The following CD300LG variants were observed in gnomAD, a reference collection of about 807,000 sequenced individuals.
CD300LG encodes CMRF35-like molecule 9.
In CD300LG, 29 loss-of-function variants were observed where a neutral mutation model predicts 31.5. That is an observed-to-expected ratio of 0.92 (90% CI 0.68 to 1.25). The LOEUF (loss-of-function observed/expected upper bound fraction) is 1.25. Ranked by LOEUF, CD300LG falls within the 50% of genes most tolerant of loss-of-function variation. The pLI, the probability that CD300LG is intolerant of heterozygous loss-of-function variation, is 0.00. For synonymous variants in CD300LG, 175 were observed against 177.2 expected, an observed-to-expected ratio of 0.99 and a Z score of 0.10; for missense variants, 396 against 417.6, an observed-to-expected ratio of 0.95 and a Z score of 0.45.
chr17:43,858,054 C>G (rs1435055657), intron 6 of CD300LG: 1 of 1,432,068 alleles, frequency 7.0e-7, no homozygotes, highest in Non-Finnish European at 9.1e-7. Context: ...CCTCCCTCTG[C>G]TGTTTACTGA....
chr17:43,858,988 G>T (rs2046599362), intron 6 of CD300LG, among the ~76,000 whole-genome samples: 1 of 152,184 alleles, frequency 6.6e-6, no homozygotes, highest in Non-Finnish European at 1.5e-5. Context: ...CCCATACGAG[G>T]TAGAGTTTAG....
chr17:43,859,376 A>G (rs1443714497), intron 6 of CD300LG, among the ~76,000 whole-genome samples: 2 of 152,206 alleles, frequency 1.3e-5, no homozygotes, highest in African/African-American at 2.4e-5. Context: ...TTGCATATTT[A>G]GCAACCCAGA....
In CD300LG at chr17:43,848,759, G is replaced by GT. The variant is rs2046260292; in HGVS notation, c.246dup (p.Asp83Ter). The GT allele has an allele frequency of 6.2e-7, 1 of 1,614,038 alleles. No homozygotes were observed. The highest frequency in any genetic ancestry group is 1.3e-5 in the African/African-American group (1 of 74,914). On this transcript the variant is annotated frameshift_variant, in exon 2 of 7. Transcript: ENST00000317310. LOFTEE classifies it high-confidence loss of function. ...ACAATGAAGGGCAGGGTGTCCATCC[G>GT]TGACAGCCGCCAGGAGCTCTCGCTC...
intron 2 of CD300LG, chr17:43,850,025 GT>G (rs927331971): frequency 1.3e-5 from 2 of 152,182 alleles, no homozygotes; most frequent in African/African-American, 2.4e-5. Context: ...GTTCGCTTGT[GT>G]TTTAGGTTTA....
intron 2 of CD300LG, among the ~76,000 whole-genome samples, chr17:43,851,006 G>A (rs967444572): frequency 1.3e-5 from 2 of 151,684 alleles, no homozygotes; most frequent in African/African-American, 4.8e-5. Context: ...ATAGTGGCAG[G>A]TGCCTGTAAT....
chr17:43,852,996 C>A lies in CD300LG; in HGVS notation c.464C>A (p.Thr155Asn). ...CAGCCCAAGGCAAAAGCTCAGCAAA[C>A]CCAGCCCCCAGGATTGAGTGAGTGA... is the stretch of plus-strand genomic sequence containing the variant. ...RLQPKAKAQQ[T>N]QPPGLTSPGL... Residue 155 changes from threonine to asparagine, a missense_variant, in exon 3 of 7, where the codon ACC becomes AAC. By Grantham distance (65) the Thr-to-Asn change is moderately conservative (BLOSUM62 0). Transcript: ENST00000317310. 1.2e-6 allele frequency: 2 copies of A among 1,612,008 alleles called. No individual in the cohort carries two copies. Among genetic ancestry groups the A allele is most frequent in the Non-Finnish European group, 1.7e-6 (2 of 1,179,030 alleles).
At chr17:43,849,141 AGGGCT>A (rs1160081800) in intron 2 of CD300LG, 7 of 572,054 alleles carry the variant, frequency 1.2e-5, no homozygotes, top group Non-Finnish European at 2.2e-5. Context: ...AGATCTGTCC[AGGGCT>A]GGGCTCGGCG....
intron 1 of CD300LG, 111 bp downstream of exon 1, chr17:43,847,370 C>A: frequency 8.2e-7 from 1 of 1,217,852 alleles, no homozygotes; most frequent in Non-Finnish European, 1.1e-6. Flanking sequence ...TCAGCCTCCT[C>A]AGCCCTAGGG....
intron 6 of CD300LG, among the ~76,000 whole-genome samples, chr17:43,860,918 T>G (rs892299149): frequency 6.6e-6 from 1 of 152,192 alleles, no homozygotes; most frequent in African/African-American, 2.4e-5. Flanking sequence ...CTGAGGAAAC[T>G]GAGCTTCAGA....
At chr17:43,860,168 A>C (rs979619701) in intron 6 of CD300LG, among the ~76,000 whole-genome samples, 134 of 152,276 alleles carry the variant, frequency 8.8e-4, no homozygotes, top group African/African-American at 3.2e-3. Flanking sequence ...AATGTGTCAC[A>C]CACCCTGCCC....
chr17:43,861,040 T>A, intron 6 of CD300LG: 86 of 822,608 alleles, frequency 1.0e-4, no homozygotes, highest in Non-Finnish European at 1.2e-4. Flanking sequence ...TGCCCACCCC[T>A]CCCACGTTTC....
Position 43,862,043 on chromosome 17 carries a change from C to T in CD300LG, c.*132C>T. The T allele has an allele frequency of 3.4e-6, 2 of 582,994 alleles. No individual in the cohort carries two copies. The highest frequency in any genetic ancestry group is 5.9e-6 in the Non-Finnish European group (2 of 341,284). The allele number at this position is 582,994 out of a possible 1,614,324, so 36.1% of individuals were successfully genotyped here. A position where few individuals can be genotyped will look rare whatever the true frequency, so the allele number is the denominator to read the frequency against. ...ACTCCAGGGCTCTCCCCACCCTCCC[C>T]AGGCTCTCCTCTTGCATGTTCCAGC... On this transcript the variant is annotated 3_prime_UTR_variant, in exon 7 of 7. Coordinates refer to ENST00000317310, the MANE Select transcript of CD300LG (RefSeq NM_145273.4).
At position 43,863,007 on chromosome 17, in the gene CD300LG, A is replaced by T. The variant is rs190527582; in HGVS notation, c.*1096A>T. 3.3e-5 allele frequency: 5 copies of T among 152,284 alleles called. No individual in the cohort carries two copies. The highest frequency in any genetic ancestry group is 3.4e-3 in the Middle Eastern group (1 of 294). 9.4% of individuals were successfully genotyped at this position (152,284 alleles called of 1,614,324 possible). On this transcript the variant is annotated 3_prime_UTR_variant, in exon 7 of 7. Transcript: ENST00000317310. The stretch of plus-strand genomic sequence containing the variant: ...TCGGGGGTGGGGGTAAAGTAGCACA[A>T]CTACTATTTTTTTTCTTTTTCCATT...
chr17:43,861,248 A>G, intron 6 of CD300LG: 1 of 985,404 alleles, frequency 1.0e-6, no homozygotes, highest in Non-Finnish European at 1.2e-6. Context: ...CCAGTATCTA[A>G]GCCAAGTATG....
intron 6 of CD300LG, among the ~76,000 whole-genome samples, chr17:43,860,461 T>C (rs2046628642): frequency 6.6e-6 from 1 of 152,380 alleles, no homozygotes; most frequent in Non-Finnish European, 1.5e-5. Flanking sequence ...CTTGGGAGTC[T>C]TGGCTGGGGA....
At chr17:43,858,050 T>C in intron 6 of CD300LG, 1 of 1,434,926 alleles carries the variant, frequency 7.0e-7, no homozygotes, top group Non-Finnish European at 9.1e-7. Context: ...CCCTCCTCCC[T>C]CTGCTGTTTA....
rs528278549 is a variant in CD300LG, at chr17:43,861,838, G to C, written c.926G>C (p.Gly309Ala). ...EKEAPSQAPE[G>A]DVISMPPLHT... ...GAAGCCCCTTCCCAGGCCCCTGAGG[G>C]GGACGTGATCTCGATGCCTCCCCTC... The change falls in exon 7 of 7, where the codon GGG becomes GCG. Residue 309 changes from glycine (G) to alanine (A), a missense_variant. Gly to Ala is a moderately conservative substitution (Grantham distance 60). Transcript: ENST00000317310. 5 of 1,612,430 alleles carry C rather than the reference G, an allele frequency of 3.1e-6. No homozygotes were observed. In the Admixed American group the frequency reaches 5.0e-5, roughly 16 times the overall value.
At chr17:43,861,737 C>T (rs1038270311) in intron 6 of CD300LG, 61 bp from the exon 7 acceptor site, 29 of 1,188,674 alleles carry the variant, frequency 2.4e-5, no homozygotes, top group Admixed American at 2.2e-4. Flanking sequence ...GGGACCACCC[C>T]TCACACCTCC....
At chr17:43,854,307 G>A (rs534888218) in intron 4 of CD300LG, among the ~76,000 whole-genome samples, 4 of 152,302 alleles carry the variant, frequency 2.6e-5, no homozygotes, top group African/African-American at 9.6e-5. Flanking sequence ...CCAGCCTCAG[G>A]GACGGCCACC....
Sources: gnomAD v4.1 joint callset for allele counts (sites outside exome capture counted in the v4.1 genomes callset) on GRCh38, gnomAD v4.1.1 for gene constraint, MANE v1.5 for transcripts, NCBI Gene and HGNC (gene_info 2026-07-23, HGNC 2026-07-21) for gene names.